Variants in SPIDR observed in about 807,000 individuals in gnomAD.
The protein encoded by SPIDR is scaffold protein involved in DNA repair.
Under a neutral mutation model 104.6 loss-of-function variants are expected in SPIDR, and 93 were observed. That is an observed-to-expected ratio of 0.89 (90% CI 0.75 to 1.06). The LOEUF (loss-of-function observed/expected upper bound fraction) is 1.06, where lower values mean the gene tolerates loss of function less well. Ranked by LOEUF, SPIDR falls within the 50% of genes least tolerant of loss-of-function variation. The pLI is 0.00. For synonymous variants in SPIDR, 431 were observed against 416.9 expected, an observed-to-expected ratio of 1.03 and a Z score of -0.41; for missense variants, 1,154 against 1,111.2, an observed-to-expected ratio of 1.04 and a Z score of -0.55.
intron 10 of SPIDR, among the ~76,000 whole-genome samples, chr8:47,664,108 G>T (rs1017186794): frequency 6.6e-6 from 1 of 152,134 alleles, no homozygotes; most frequent in Non-Finnish European, 1.5e-5. Context: ...TACTCTAGGG[G>T]GTCCAGTCAA....
intron 6 of SPIDR, among the ~76,000 whole-genome samples, chr8:47,403,088 A>G (rs2062143208): frequency 6.6e-6 from 1 of 152,234 alleles, no homozygotes; most frequent in Non-Finnish European, 1.5e-5. Context: ...TATAAACAGA[A>G]CAAAAGACAA....
intron 7 of SPIDR, among the ~76,000 whole-genome samples, chr8:47,439,152 C>CT (rs1196250494): frequency 2.0e-5 from 3 of 151,988 alleles, no homozygotes; most frequent in African/African-American, 7.2e-5. Context: ...AATCCTTTGT[C>CT]TTTTTTTAGT....
chr8:47,580,783 T>C (rs990644477), intron 8 of SPIDR, among the ~76,000 whole-genome samples: 3 of 152,208 alleles, frequency 2.0e-5, no homozygotes, highest in Admixed American at 6.5e-5. Context: ...TCCCTGTAAA[T>C]GTGAATGTGT....
intron 8 of SPIDR, among the ~76,000 whole-genome samples, chr8:47,451,663 G>C (rs1262170235): frequency 4.0e-5 from 6 of 151,860 alleles, no homozygotes; most frequent in African/African-American, 1.5e-4. Context: ...CATTGAACTT[G>C]AAGAAAAGAA....
chr8:47,711,649 TACACAC>T (rs901516953), intron 14 of SPIDR, among the ~76,000 whole-genome samples: 2 of 152,184 alleles, frequency 1.3e-5, no homozygotes, highest in African/African-American at 4.8e-5. Flanking sequence ...TTCATCCACA[TACACAC>T]ACAACTATAT....
chr8:47,478,940 T>A (rs1377694429), intron 8 of SPIDR, among the ~76,000 whole-genome samples: 1 of 152,232 alleles, frequency 6.6e-6, no homozygotes, highest in Non-Finnish European at 1.5e-5. Context: ...CAAGCCGTTC[T>A]TAGCTTGTTG....
At chr8:47,445,417 G>A (rs1554700842) in intron 8 of SPIDR, among the ~76,000 whole-genome samples, 1 of 152,158 alleles carries the variant, frequency 6.6e-6, no homozygotes, top group Non-Finnish European at 1.5e-5. Flanking sequence ...TGCTCTAACT[G>A]CTCCATTGAC....
intron 14 of SPIDR, 68 bp downstream of exon 14, chr8:47,702,083 TCTCTCTCTCTCTCTTACACACACACACA>T (rs1171943520): frequency 3.1e-5 from 10 of 325,640 alleles, no homozygotes; most frequent in East Asian, 6.9e-5. Context: ...TCTCTCTCTC[TCTCTCTCTCTCTCTTACACACACACACA>T]CACACACACA....
At chr8:47,670,756 T>G (rs888344302) in intron 10 of SPIDR, among the ~76,000 whole-genome samples, 1 of 151,822 alleles carries the variant, frequency 6.6e-6, no homozygotes, top group Admixed American at 6.5e-5. Flanking sequence ...CCATTTTCAG[T>G]TTTTCAGCTC....
intron 10 of SPIDR, among the ~76,000 whole-genome samples, chr8:47,661,613 G>C (rs2074116846): frequency 6.6e-6 from 1 of 152,248 alleles, no homozygotes; most frequent in Admixed American, 6.5e-5. Context: ...ATATTTCAGA[G>C]CTTACTAAGG....
rs541531367 is a variant in SPIDR, at chr8:47,611,712, A to G, written c.1544+12516A>G. ...GACTCCATCTCAAAAAAAAAAGAAA[A>G]TAGAGAATTCAGTCGATAATGATGT... On this transcript the variant is annotated intron_variant, in intron 10 of 19. Transcript: ENST00000297423. 2.8e-3 allele frequency among the ~76,000 whole-genome samples: 421 copies of G among 152,294 alleles called. 1 individual carries two copies. The highest frequency in any genetic ancestry group is 9.9e-3 in the African/African-American group (411 of 41,562).
chr8:47,282,081 C>A (rs1329751532), intron 2 of SPIDR, among the ~76,000 whole-genome samples: 2 of 152,186 alleles, frequency 1.3e-5, no homozygotes, highest in African/African-American at 4.8e-5. Context: ...AAATCTTTTT[C>A]TTCTGAGCAG....
intron 7 of SPIDR, among the ~76,000 whole-genome samples, chr8:47,428,848 T>A (rs1426337439): frequency 6.6e-6 from 1 of 152,210 alleles, no homozygotes; most frequent in Non-Finnish European, 1.5e-5. Flanking sequence ...TTTTCTTATA[T>A]CCCCTTTCCT....
At chr8:47,563,667 C>T (rs975681702) in intron 8 of SPIDR, among the ~76,000 whole-genome samples, 1 of 152,132 alleles carries the variant, frequency 6.6e-6, no homozygotes, top group Non-Finnish European at 1.5e-5. Context: ...GGGTCCAGAT[C>T]GTTGGCATGC....
At chr8:47,582,158 G>T (rs192088540) in intron 8 of SPIDR, among the ~76,000 whole-genome samples, 83 of 151,910 alleles carry the variant, frequency 5.5e-4, no homozygotes, top group African/African-American at 1.8e-3. Context: ...CATAGGTTGC[G>T]GTGAGCCGCC....
chr8:47,456,604 C>G (rs879995442), intron 8 of SPIDR, among the ~76,000 whole-genome samples: 4 of 152,030 alleles, frequency 2.6e-5, no homozygotes, highest in Non-Finnish European at 4.4e-5. Context: ...TTTATTTTCT[C>G]TTTTTTAAAT....
intron 1 of SPIDR, 112 bp downstream of exon 1, chr8:47,261,103 G>A: frequency 1.7e-6 from 2 of 1,148,296 alleles, no homozygotes; most frequent in Non-Finnish European, 2.2e-6. Flanking sequence ...TGGGCGTTGG[G>A]GGTGAAGGGC....
Position 47,735,420 on chromosome 8 carries a change from G to C in SPIDR, c.2718G>C (p.Leu906=), listed in dbSNP as rs770138738. 16 of 1,614,068 alleles carry C rather than the reference G, an allele frequency of 9.9e-6. No individual in the cohort carries two copies. In the South Asian group the frequency reaches 1.2e-4, roughly 12 times the overall value. The change falls in exon 20 of 20, where the codon CTG becomes CTC. Residue 906 remains leucine, a synonymous_variant. Coordinates refer to ENST00000297423, the MANE Select transcript of SPIDR (RefSeq NM_001080394.4). ...TTGGATTGGAGGAAATCGAGCTTCTGAGTGCAGGAGGGGCCTCTGCAGAAC... is the reference window on the plus strand; with the variant it reads ...TTGGATTGGAGGAAATCGAGCTTCTCAGTGCAGGAGGGGCCTCTGCAGAAC... ...SCIGLEEIEL[L]SAGGASAEH
intron 5 of SPIDR, among the ~76,000 whole-genome samples, chr8:47,379,266 G>A (rs538368787): frequency 6.6e-6 from 1 of 152,324 alleles, no homozygotes; most frequent in East Asian, 1.9e-4. Flanking sequence ...GAAGTTAGAA[G>A]AGGCTGGGCT....
Sources: gnomAD v4.1 joint callset for allele counts (sites outside exome capture counted in the v4.1 genomes callset) on GRCh38, gnomAD v4.1.1 for gene constraint, MANE v1.5 for transcripts, NCBI Gene and HGNC (gene_info 2026-07-23, HGNC 2026-07-21) for gene names.